ANKFY1: variants seen among roughly 807,000 people sequenced by gnomAD.
ANKFY1 encodes the protein ankyrin repeat and FYVE domain-containing protein 1.
Under a neutral mutation model 128.3 loss-of-function variants are expected in ANKFY1, and 47 were observed. The observed-to-expected ratio is 0.37, with a 90% CI of 0.29 to 0.47. The LOEUF is 0.47. Ranked by LOEUF, ANKFY1 falls within the 20% of genes least tolerant of loss-of-function variation. ANKFY1 has a pLI of 1.00. For missense variants in ANKFY1, 1,222 were observed against 1,510.6 expected (o/e 0.81, Z 3.17); for synonymous variants, 553 against 601.6 (o/e 0.92, Z 1.18).
At chr17:4,172,012 C>T (rs2059329371) in intron 22 of ANKFY1, among the ~76,000 whole-genome samples, 2 of 152,134 alleles carry the variant, frequency 1.3e-5, no homozygotes, top group African/African-American at 4.8e-5. Context: ...CGTGAGTCCT[C>T]GGCAAGAAAA....
chr17:4,241,797 A>C (rs549314589), intron 2 of ANKFY1, among the ~76,000 whole-genome samples: 1 of 151,712 alleles, frequency 6.6e-6, no homozygotes, highest in Admixed American at 6.6e-5. Context: ...AGAGACACAA[A>C]TCTTGCCTCG....
chr17:4,181,277 G>A lies in ANKFY1; in HGVS notation c.2217C>T (p.Pro739=). 6.2e-7 allele frequency: 1 copy of A among 1,613,998 alleles called. No homozygotes were observed. The highest frequency in any genetic ancestry group is 8.5e-7 in the Non-Finnish European group (1 of 1,179,876). The change falls in exon 16 of 25, where the codon CCC becomes CCT. Residue 739 remains proline, a synonymous_variant. Transcript: ENST00000341657. The surrounding 1 kb of genome is among the most constrained non-coding windows in gnomAD (Gnocchi z 4.9). ...ACCTGCGAATAAGAAAGCAGGCGGT[G>A]GGCTCGTTGTTTTCATCAATGGCTC... is the stretch of plus-strand genomic sequence containing the variant. The part of the protein sequence containing the change: ...LHRAIDENNE[P]TACFLIRSGC...
intron 10 of ANKFY1, among the ~76,000 whole-genome samples, chr17:4,193,452 G>T (rs2059755189): frequency 7.6e-6 from 1 of 131,404 alleles, no homozygotes; most frequent in Non-Finnish European, 1.6e-5. Context: ...TTTTGAGATG[G>T]AGTTTCATTC....
chr17:4,253,219 T>C (rs1334206054), intron 1 of ANKFY1, among the ~76,000 whole-genome samples: 1 of 151,778 alleles, frequency 6.6e-6, no homozygotes, highest in Non-Finnish European at 1.5e-5. Flanking sequence ...AGACTCCATC[T>C]CAACAACAAC....
At chr17:4,240,600 C>T (rs2143356507) in intron 2 of ANKFY1, among the ~76,000 whole-genome samples, 1 of 152,292 alleles carries the variant, frequency 6.6e-6, no homozygotes, top group East Asian at 1.9e-4. Flanking sequence ...CCTTGTTGGT[C>T]AGGCTGGTCT....
At chr17:4,189,292 A>G in intron 11 of ANKFY1, 90 bp downstream of exon 11, 6 of 1,112,990 alleles carry the variant, frequency 5.4e-6, no homozygotes, top group Middle Eastern at 4.0e-4. Context: ...ACTGAAAAAA[A>G]CCACCTATTC....
intron 3 of ANKFY1, 117 bp from the exon 4 acceptor site, chr17:4,217,235 G>A: frequency 8.6e-7 from 1 of 1,159,658 alleles, no homozygotes; most frequent in Non-Finnish European, 1.2e-6. Context: ...CAACTTAAAG[G>A]AATATTACAC....
At chr17:4,215,144 C>T (rs2143020784) in intron 4 of ANKFY1, among the ~76,000 whole-genome samples, 1 of 152,070 alleles carries the variant, frequency 6.6e-6, no homozygotes, top group Admixed American at 6.6e-5. Context: ...CAAAAATTAG[C>T]TGGGCGTGGT....
At chr17:4,211,773 A>AGTAAGAGCCCAGGAGTTCAAGGCTGCG (rs899532258) in intron 4 of ANKFY1, among the ~76,000 whole-genome samples, 1 of 151,946 alleles carries the variant, frequency 6.6e-6, no homozygotes, top group South Asian at 2.1e-4. Flanking sequence ...AGGAGGCTGA[A>AGTAAGAGCCCAGGAGTTCAAGGCTGCG]GTAAGAGCCC....
At chr17:4,182,065 T>C (rs1371666437) in intron 15 of ANKFY1, 116 bp downstream of exon 15, 1 of 1,074,552 alleles carries the variant, frequency 9.3e-7, no homozygotes, top group African/African-American at 1.6e-5. Context: ...CTTGTCCTTG[T>C]CCCACTATGT....
chr17:4,248,234 GCGGGC>G (rs201197747), intron 1 of ANKFY1, among the ~76,000 whole-genome samples: 1,627 of 152,308 alleles, frequency 0.011, 21 homozygotes, highest in African/African-American at 0.037. Context: ...GAGGTGAGCT[GCGGGC>G]GAGTCAGCAT....
At chr17:4,184,104 G>C (rs1482631950) in intron 12 of ANKFY1, among the ~76,000 whole-genome samples, 194 bp from the exon 13 acceptor site, 1 of 152,118 alleles carries the variant, frequency 6.6e-6, no homozygotes, top group Non-Finnish European at 1.5e-5. Flanking sequence ...CAGGGAAAAC[G>C]AATCTTTTTA....
chr17:4,177,185 T>G lies in ANKFY1; in HGVS notation c.2716A>C (p.Lys906Gln), dbSNP rs1330638468. ...NVNSRVQDAS[K>Q]LTPLHLAVQA... is the part of the protein sequence containing the mutation. Reference sequence around the variant, plus strand: ...ACAGCGAGGTGCAGGGGGGTCAACTTGGAGGCATCCTGGACTCTTGAATTC... The same window carrying G: ...ACAGCGAGGTGCAGGGGGGTCAACTGGGAGGCATCCTGGACTCTTGAATTC... The change falls in exon 19 of 25, where the codon AAG becomes CAG. Residue 906 changes from lysine to glutamine, a missense_variant. By Grantham distance (53) the Lys-to-Gln change is moderately conservative (BLOSUM62 1). Transcript: ENST00000341657. 1.2e-6 allele frequency: 2 copies of G among 1,608,642 alleles called. No homozygotes were observed. The highest frequency in any genetic ancestry group is 2.7e-5 in the African/African-American group (2 of 74,984).
In ANKFY1 at chr17:4,167,215, T is replaced by G. The variant is rs1191605551; in HGVS notation, c.*564A>C. 6.6e-6 allele frequency: 1 copy of G among 152,630 alleles called. No homozygotes were observed. Among genetic ancestry groups the G allele is most frequent in the Non-Finnish European group, 1.5e-5 (1 of 68,026 alleles). The allele number at this position is 152,630 out of a possible 1,614,324, so 9.5% of individuals were successfully genotyped here. A position where few individuals can be genotyped will look rare whatever the true frequency, so the allele number is the denominator to read the frequency against. On this transcript the variant is annotated 3_prime_UTR_variant, in exon 25 of 25. Coordinates refer to ENST00000341657, the MANE Select transcript of ANKFY1 (RefSeq NM_001330063.2). The surrounding 1 kb of genome is among the most constrained non-coding windows in gnomAD (Gnocchi z 4.1). ...AACCCTGTTAAGAAAGATTTCACCT[T>G]TTTAAAAGGGGTAGCTCACTAAAAA...
intron 4 of ANKFY1, among the ~76,000 whole-genome samples, chr17:4,210,694 G>C (rs1190908636): frequency 3.9e-4 from 18 of 45,946 alleles, no homozygotes; most frequent in African/African-American, 9.7e-4. Flanking sequence ...GGCGACAAAG[G>C]CAAAACTCTG....
In ANKFY1 at chr17:4,173,329, G is replaced by T. The variant is rs762926114; in HGVS notation, c.3014+25C>A. On this transcript the variant is annotated intron_variant, in intron 21 of 24. Transcript: ENST00000341657. ...TGAGCAGCAGGCCAGGCGCCGCGGGGCCTACTCGGGCCCAACGCGCTCACC... is the reference window on the plus strand; with the variant it reads ...TGAGCAGCAGGCCAGGCGCCGCGGGTCCTACTCGGGCCCAACGCGCTCACC... 6 of 1,608,362 alleles carry T rather than the reference G, an allele frequency of 3.7e-6. No homozygotes were observed. In the South Asian group the frequency reaches 6.6e-5, roughly 18 times the overall value.
intron 1 of ANKFY1, chr17:4,249,042 T>G (rs1380518941): frequency 8.2e-6 from 6 of 736,006 alleles, no homozygotes; most frequent in Non-Finnish European, 1.0e-5. Context: ...TAGCCTAAAA[T>G]AAAGAGTGCA....
intron 4 of ANKFY1, 141 bp downstream of exon 4, chr17:4,216,842 A>T (rs769809456): frequency 6.0e-6 from 7 of 1,174,002 alleles, no homozygotes; most frequent in Non-Finnish European, 8.6e-6. Context: ...GGGAGGTAAC[A>T]TCTGTCCCCA....
intron 7 of ANKFY1, among the ~76,000 whole-genome samples, chr17:4,205,600 G>C (rs2060008554): frequency 6.6e-6 from 1 of 152,026 alleles, no homozygotes; most frequent in Non-Finnish European, 1.5e-5. Flanking sequence ...AAATTAGCTG[G>C]GCGTGGTGGT....
Sources: allele counts gnomAD v4.1 joint callset (sites outside exome capture counted in the v4.1 genomes callset), GRCh38; gene constraint gnomAD v4.1.1; non-coding constraint Gnocchi (gnomAD v3.1); transcripts MANE v1.5; gene names NCBI Gene and HGNC (gene_info 2026-07-23, HGNC 2026-07-21).